KAZN: variants seen among roughly 807,000 people sequenced by gnomAD.
The protein encoded by KAZN is kazrin.
In KAZN, 40 loss-of-function variants were observed where a neutral mutation model predicts 87.4. The observed-to-expected ratio is 0.46, with a 90% confidence interval of 0.36 to 0.60. The LOEUF is 0.60. KAZN is among the 20% of genes least tolerant of loss of function. The pLI is 0.00. For missense variants in KAZN, 898 were observed against 1,073.9 expected, an observed-to-expected ratio of 0.84 and a Z score of 2.29; for synonymous variants, 466 against 458.3, an observed-to-expected ratio of 1.02 and a Z score of -0.22.
At chr1:14,557,293 A>G (rs1329071210) in intron 2 of KAZN, among the ~76,000 whole-genome samples, 1 of 152,192 alleles carries the variant, frequency 6.6e-6, no homozygotes, top group Non-Finnish European at 1.5e-5. Context: ...TTGTGCATTC[A>G]TTAAATCAAA....
chr1:14,117,910 A>T (rs1227537570), intron 1 of KAZN, among the ~76,000 whole-genome samples: 1 of 152,162 alleles, frequency 6.6e-6, no homozygotes, highest in Non-Finnish European at 1.5e-5. Flanking sequence ...GGTCAGGTGG[A>T]TGGTGTTAAT....
At chr1:14,222,908 CATT>C (rs1363511598) in intron 2 of KAZN, 1 of 152,104 alleles carries the variant, frequency 6.6e-6, no homozygotes. Flanking sequence ...TTGTAACTAT[CATT>C]ATTATTATAG....
chr1:14,419,911 T>C (rs79414274), intron 2 of KAZN, among the ~76,000 whole-genome samples: 8,105 of 152,122 alleles, frequency 0.053, 291 homozygotes, highest in East Asian at 0.11. Context: ...AACAATGGGA[T>C]TTATTGCAAA....
At chr1:14,523,248 G>C (rs1671680364) in intron 2 of KAZN, among the ~76,000 whole-genome samples, 1 of 152,156 alleles carries the variant, frequency 6.6e-6, no homozygotes, top group Non-Finnish European at 1.5e-5. Flanking sequence ...TTGGCTCCCA[G>C]TCCAGGGCAA....
chr1:14,655,257 G>C (rs766949801), intron 1 of KAZN, among the ~76,000 whole-genome samples: 2 of 152,124 alleles, frequency 1.3e-5, no homozygotes, highest in East Asian at 1.9e-4. Flanking sequence ...GGGAGGCTAG[G>C]GGGTGTTTAG....
chr1:15,004,175 C>T (rs1006392311), intron 2 of KAZN, among the ~76,000 whole-genome samples: 1 of 152,122 alleles, frequency 6.6e-6, no homozygotes, highest in East Asian at 1.9e-4. Context: ...TGAGAACGTC[C>T]TGTATTTCAT....
intron 1 of KAZN, among the ~76,000 whole-genome samples, chr1:14,129,473 G>A (rs1238541232): frequency 6.6e-6 from 1 of 152,198 alleles, no homozygotes; most frequent in African/African-American, 2.4e-5. Context: ...ACTGCCCTGT[G>A]CCTCCCACCC....
chr1:14,941,823 C>T (rs1661115625), intron 1 of KAZN, among the ~76,000 whole-genome samples: 1 of 152,300 alleles, frequency 6.6e-6, no homozygotes, highest in African/African-American at 2.4e-5. Flanking sequence ...AGCTGCTGTC[C>T]TCTTGTCTGG....
intron 2 of KAZN, among the ~76,000 whole-genome samples, chr1:14,269,809 A>G (rs113241843): frequency 0.015 from 2,337 of 152,232 alleles, 61 homozygotes; most frequent in African/African-American, 0.053. Context: ...GCATTTCTAC[A>G]TGTGTACTTT....
chr1:14,418,876 T>C (rs906913812), intron 2 of KAZN, among the ~76,000 whole-genome samples: 2 of 152,140 alleles, frequency 1.3e-5, no homozygotes, highest in Non-Finnish European at 1.5e-5. Context: ...TGTGTGCAAA[T>C]GAAAATAAGG....
intron 1 of KAZN, among the ~76,000 whole-genome samples, chr1:14,774,243 G>A (rs1035884254): frequency 6.6e-6 from 1 of 152,054 alleles, no homozygotes; most frequent in African/African-American, 2.4e-5. Context: ...CCGGATTTGT[G>A]GACTTGGCAG....
chr1:13,967,404 C>A lies in KAZN; in HGVS notation c.91+73648C>A, dbSNP rs150122242. 2.0e-3 allele frequency among the ~76,000 whole-genome samples: 303 copies of A among 152,310 alleles called. 2 individuals carry two copies. Among genetic ancestry groups the A allele is most frequent in the African/African-American group, 7.0e-3 (292 of 41,548 alleles). The stretch of plus-strand genomic sequence containing the variant: ...GCCTTTGGAATCTCCCCACCCTTCC[C>A]CAAGTGCACCCAATAATACATTGAG... On this transcript the variant is annotated intron_variant, in intron 1 of 16. Coordinates refer to the KAZN transcript ENST00000636203.
intron 1 of KAZN, among the ~76,000 whole-genome samples, chr1:14,127,101 A>C (rs12029121): frequency 1.3e-5 from 2 of 151,886 alleles, no homozygotes; most frequent in African/African-American, 4.8e-5. Context: ...ATGCGACTCC[A>C]TCTCAAACAA....
intron 2 of KAZN, among the ~76,000 whole-genome samples, chr1:14,240,351 A>T (rs1343736432): frequency 4.6e-5 from 7 of 152,218 alleles, no homozygotes; most frequent in Admixed American, 2.0e-4. Flanking sequence ...AGGGGAGCCC[A>T]CACTGTCCAT....
intron 1 of KAZN, among the ~76,000 whole-genome samples, chr1:14,162,286 T>C (rs1393085618): frequency 2.0e-5 from 3 of 152,228 alleles, no homozygotes; most frequent in Non-Finnish European, 4.4e-5. Flanking sequence ...TCTGTCAATA[T>C]AGTTCTCTTA....
intron 2 of KAZN, among the ~76,000 whole-genome samples, chr1:14,389,860 A>C (rs1351787723): frequency 3.9e-5 from 6 of 152,218 alleles, no homozygotes; most frequent in African/African-American, 1.4e-4. Context: ...AAAAGAGTAA[A>C]ATTGAATTGT....
chr1:14,110,589 A>C (rs1209816836), intron 1 of KAZN, among the ~76,000 whole-genome samples: 2 of 136,992 alleles, frequency 1.5e-5, no homozygotes, highest in South Asian at 2.4e-4. Context: ...TTTTATTTGC[A>C]TGACTTGGAA....
chr1:14,731,327 C>T (rs945885177), intron 1 of KAZN, among the ~76,000 whole-genome samples: 1 of 152,198 alleles, frequency 6.6e-6, no homozygotes, highest in Non-Finnish European at 1.5e-5. Context: ...ACATCATCAT[C>T]GTCATTGTCA....
chr1:14,926,971 G>A (rs1244585221), intron 1 of KAZN, among the ~76,000 whole-genome samples: 1 of 152,218 alleles, frequency 6.6e-6, no homozygotes, highest in Non-Finnish European at 1.5e-5. Flanking sequence ...CAGGGAGAAT[G>A]TCCTGAGATC....
Sources: gnomAD v4.1 joint callset for allele counts (sites outside exome capture counted in the v4.1 genomes callset) on GRCh38, gnomAD v4.1.1 for gene constraint, MANE v1.5 for transcripts, NCBI Gene and HGNC (gene_info 2026-07-23, HGNC 2026-07-21) for gene names.